The following DSCAML1 variants were observed in gnomAD, a reference collection of about 807,000 sequenced individuals.
DSCAML1 encodes cell adhesion molecule DSCAML1.
A neutral mutation model predicts 200.5 loss-of-function variants in DSCAML1; 38 were observed. The observed-to-expected ratio is 0.19, with a 90% CI of 0.15 to 0.25. The LOEUF (loss-of-function observed/expected upper bound fraction) is 0.25, where lower values mean the gene tolerates loss of function less well. Ranked by LOEUF, DSCAML1 falls within the 10% of genes least tolerant of loss-of-function variation. The pLI is 1.00. For synonymous variants in DSCAML1, 1,215 were observed against 1,165.0 expected (o/e 1.04, Z -0.87); for missense variants, 2,223 against 2,858.8 (o/e 0.78, Z 5.07).
chr11:117,466,281 C>A (rs558703004), intron 16 of DSCAML1, among the ~76,000 whole-genome samples: 35 of 152,366 alleles, frequency 2.3e-4, no homozygotes, highest in African/African-American at 7.0e-4. Context: ...GGAGAAAACA[C>A]TGACATCCGT....
chr11:117,484,487 C>CG, intron 11 of DSCAML1, among the ~76,000 whole-genome samples: 1 of 152,266 alleles, frequency 6.6e-6, no homozygotes, highest in South Asian at 2.1e-4. Flanking sequence ...TTATAATGCA[C>CG]GGCATTACAC....
intron 3 of DSCAML1, among the ~76,000 whole-genome samples, chr11:117,734,687 G>T (rs146100023): frequency 2.6e-5 from 4 of 152,168 alleles, no homozygotes; most frequent in Admixed American, 2.0e-4. Context: ...AGCTCCAGAG[G>T]GGGCAGGGAC....
intron 3 of DSCAML1, among the ~76,000 whole-genome samples, chr11:117,737,777 G>T (rs945549498): frequency 1.3e-5 from 2 of 152,238 alleles, no homozygotes; most frequent in African/African-American, 2.4e-5. Context: ...ATGAAGAGTT[G>T]CAGGCTTCCA....
chr11:117,780,728 C>T lies in DSCAML1; in HGVS notation c.129G>A (p.Val43=), dbSNP rs2055241284. ...QQVTFSSSVG[V]VVPCPAAGSP... ...AGCCCGCGGCCGGGCAGGGCACCACCACCCCCACGGAGCTGGAAAAGGTCA... is the reference window on the plus strand; with the variant it reads ...AGCCCGCGGCCGGGCAGGGCACCACTACCCCCACGGAGCTGGAAAAGGTCA... Residue 43 remains valine, a synonymous_variant, in exon 2 of 33, where the codon GTG becomes GTA. Transcript: ENST00000651296. This position sits in a 1 kb window ranked among gnomAD's most constrained non-coding sequence, Gnocchi z 4.8. 3 of 1,570,920 alleles carry T rather than the reference C, an allele frequency of 1.9e-6. No individual in the cohort carries two copies. Among genetic ancestry groups the T allele is most frequent in the African/African-American group, 1.4e-5 (1 of 73,214 alleles).
In DSCAML1 at chr11:117,489,231, C is replaced by T. The variant is rs2049140436; in HGVS notation, c.2360-7069G>A. On this transcript the variant is annotated intron_variant, in intron 11 of 32. Transcript: ENST00000651296. This position sits in a 1 kb window ranked among gnomAD's most constrained non-coding sequence, Gnocchi z 4.8. ...TGCGGCGGGGCAGCTGCAGCAGGTA[C>T]TCCTGGGGCAGGCAGTGGGGACTGC... 6.6e-6 allele frequency among the ~76,000 whole-genome samples: 1 copy of T among 152,098 alleles called. No homozygotes were observed. Among genetic ancestry groups the T allele is most frequent in the South Asian group, 2.1e-4 (1 of 4,832 alleles).
intron 15 of DSCAML1, 67 bp downstream of exon 15, chr11:117,471,802 C>CATTGCCAGTGAACAGGA: frequency 6.5e-7 from 1 of 1,530,906 alleles, no homozygotes; most frequent in African/African-American, 1.4e-5. Context: ...TGAACAGGAT[C>CATTGCCAGTGAACAGGA]GCTGTAGGCC....
chr11:117,555,447 C>A (rs2050543411), intron 3 of DSCAML1, among the ~76,000 whole-genome samples: 1 of 152,110 alleles, frequency 6.6e-6, no homozygotes, highest in Admixed American at 6.5e-5. Flanking sequence ...GCGCAGGGAG[C>A]CCAGAGGATG....
rs1836114722 is a variant in DSCAML1 at position 117,516,341 on chromosome 11, G to A, written c.1783+126C>T. On this transcript the variant is annotated intron_variant, in intron 8 of 32. Transcript: ENST00000651296. The surrounding 1 kb of genome is among the most constrained non-coding windows in gnomAD (Gnocchi z 5.7). ...CCTTTTTTCTGAATGCCAAGCTGGG[G>A]CCTCTCTTGCTCAGCCTTCCGTTCA... is the stretch of plus-strand genomic sequence containing the variant. 8.2e-7 allele frequency: 1 copy of A among 1,225,696 alleles called. No individual in the cohort carries two copies. The allele number at this position is 1,225,696 out of a possible 1,614,324, so 75.9% of individuals were successfully genotyped here.
chr11:117,691,681 A>G (rs961515971), intron 3 of DSCAML1, among the ~76,000 whole-genome samples: 2 of 152,192 alleles, frequency 1.3e-5, no homozygotes, highest in African/African-American at 2.4e-5. Context: ...CTTGGACGAC[A>G]AGTGTGTGTA....
intron 2 of DSCAML1, among the ~76,000 whole-genome samples, chr11:117,777,570 A>C (rs1352903330): frequency 2.6e-5 from 4 of 152,222 alleles, no homozygotes; most frequent in African/African-American, 9.6e-5. Context: ...GTCTCTGAGC[A>C]CACAGAATCC....
intron 3 of DSCAML1, among the ~76,000 whole-genome samples, chr11:117,616,484 AGT>A (rs2137541228): frequency 6.6e-6 from 1 of 152,328 alleles, no homozygotes; most frequent in South Asian, 2.1e-4. Context: ...AATATAGCAC[AGT>A]GTGTTTTTCT....
chr11:117,481,417 T>C, intron 12 of DSCAML1, 147 bp from the exon 13 acceptor site: 1 of 720,502 alleles, frequency 1.4e-6, no homozygotes, highest in Non-Finnish European at 2.4e-6. Flanking sequence ...AGGGCTTCTC[T>C]TCCCAGGGAC....
At chr11:117,814,753 G>A (rs1376492573) in intron 1 of DSCAML1, among the ~76,000 whole-genome samples, 1 of 152,226 alleles carries the variant, frequency 6.6e-6, no homozygotes, top group Non-Finnish European at 1.5e-5. Context: ...CAGGGTGCTA[G>A]AGAGAGCAGG....
Position 117,504,535 on chromosome 11 carries a change from A to G in DSCAML1, c.2182+389T>C, listed in dbSNP as rs144468534. ...AAAGCAAAGGCATCCCTGGGATGAAATTGGGCTCCAAGAAGGACCCTGACC... is the reference window on the plus strand; with the variant it reads ...AAAGCAAAGGCATCCCTGGGATGAAGTTGGGCTCCAAGAAGGACCCTGACC... On this transcript the variant is annotated intron_variant, in intron 10 of 32. Transcript: ENST00000651296. The surrounding 1 kb of genome is among the most constrained non-coding windows in gnomAD (Gnocchi z 5.0). Among the ~76,000 whole-genome samples the G allele has an allele frequency of 6.6e-6, 1 of 152,254 alleles. No homozygotes were observed. Among genetic ancestry groups the G allele is most frequent in the African/African-American group, 2.4e-5 (1 of 41,566 alleles).
At chr11:117,688,369 G>A (rs894857629) in intron 3 of DSCAML1, among the ~76,000 whole-genome samples, 4 of 152,202 alleles carry the variant, frequency 2.6e-5, no homozygotes, top group Non-Finnish European at 5.9e-5. Flanking sequence ...ATGGGCCCAG[G>A]CCAGGCCTGC....
At chr11:117,441,135 T>A (rs754781781) in intron 21 of DSCAML1, among the ~76,000 whole-genome samples, 1 of 151,610 alleles carries the variant, frequency 6.6e-6, no homozygotes, top group Non-Finnish European at 1.5e-5. Context: ...TCTGGCTGGT[T>A]TGGGGGAAGA....
intron 3 of DSCAML1, among the ~76,000 whole-genome samples, chr11:117,717,816 A>G (rs2053978129): frequency 6.6e-6 from 1 of 152,126 alleles, no homozygotes; most frequent in African/African-American, 2.4e-5. Flanking sequence ...CCCCTTTGAA[A>G]TGCCCCCTAG....
intron 16 of DSCAML1, among the ~76,000 whole-genome samples, chr11:117,468,098 CCTT>C (rs143155222): frequency 0.018 from 2,703 of 152,092 alleles, 75 homozygotes; most frequent in African/African-American, 0.061. Flanking sequence ...TTTTTTCTCT[CCTT>C]CTCTGTCCCC....
intron 3 of DSCAML1, among the ~76,000 whole-genome samples, chr11:117,533,261 T>C (rs537012160): frequency 6.6e-6 from 1 of 152,348 alleles, no homozygotes; most frequent in Non-Finnish European, 1.5e-5. Context: ...TCATATTCCT[T>C]GCTCATTGGC....
Sources: allele counts gnomAD v4.1 joint callset (sites outside exome capture counted in the v4.1 genomes callset), GRCh38; gene constraint gnomAD v4.1.1; non-coding constraint Gnocchi (gnomAD v3.1); transcripts MANE v1.5; gene names NCBI Gene and HGNC (gene_info 2026-07-23, HGNC 2026-07-21).